Variants in CEP83 observed in about 807,000 individuals in gnomAD.
CEP83 encodes the protein centrosomal protein 83, also known as centrosomal protein of 83 kDa.
CEP83 carries 70 observed loss-of-function variants against 101.9 expected under a neutral mutation model. The ratio of observed to expected loss-of-function variants is 0.69; its 90% CI spans 0.57 to 0.84. CEP83 has a LOEUF of 0.84. Among genes scored for constraint, CEP83 ranks in the 40% least tolerant of loss-of-function variants. CEP83 has a pLI of 0.00. For synonymous variants in CEP83, 264 were observed against 267.9 expected (o/e 0.99, Z 0.14); for missense variants, 715 against 787.2 (o/e 0.91, Z 1.10).
the CEP83 span, among the ~76,000 whole-genome samples, chr12:94,281,448 G>C: frequency 6.6e-6 from 1 of 152,190 alleles, no homozygotes; most frequent in East Asian, 1.9e-4. Context: ...GACTTAATGG[G>C]AAAGGACTCG....
intron 1 of CEP83, among the ~76,000 whole-genome samples, chr12:94,451,174 T>C (rs748839597): frequency 2.0e-5 from 3 of 152,162 alleles, no homozygotes; most frequent in Non-Finnish European, 4.4e-5. Flanking sequence ...GTTAATTCAA[T>C]ATGAATCTTA....
chr12:94,304,775 T>C (rs1159498442), downstream of CEP83, among the ~76,000 whole-genome samples: 1 of 152,140 alleles, frequency 6.6e-6, no homozygotes, highest in East Asian at 1.9e-4. Context: ...GAGGAGGGAC[T>C]ACACTGCCCA....
intron 11 of CEP83, among the ~76,000 whole-genome samples, chr12:94,345,397 T>TA (rs1290501489): frequency 6.6e-6 from 1 of 152,218 alleles, no homozygotes; most frequent in Non-Finnish European, 1.5e-5. Context: ...GTATCTTTGT[T>TA]ACCGTATTAG....
chr12:94,274,155 T>TAAAAAAAAAAAAAAA, the CEP83 span, among the ~76,000 whole-genome samples: 19 of 45,370 alleles, frequency 4.2e-4, no homozygotes, highest in African/African-American at 1.8e-3. Flanking sequence ...ACCCTGTCTC[T>TAAAAAAAAAAAAAAA]AAAAAAAAAA....
intron 1 of CEP83, among the ~76,000 whole-genome samples, chr12:94,457,665 C>CAAGCA (rs2067786376): frequency 6.6e-6 from 1 of 152,164 alleles, no homozygotes; most frequent in Non-Finnish European, 1.5e-5. Context: ...ATAAGGGTAT[C>CAAGCA]TGACATAAAG....
intron 1 of CEP83, among the ~76,000 whole-genome samples, chr12:94,439,342 AT>A (rs2138341720): frequency 6.6e-6 from 1 of 152,066 alleles, no homozygotes; most frequent in East Asian, 2.0e-4. Flanking sequence ...AATAGGAGAT[AT>A]CAAAAGTGAT....
chr12:94,267,309 T>G, the CEP83 span, among the ~76,000 whole-genome samples: 1 of 152,338 alleles, frequency 6.6e-6, no homozygotes, highest in East Asian at 1.9e-4. Context: ...TTGAAGCCTT[T>G]TTAATGCTTT....
chr12:94,434,013 T>C (rs1005396620), intron 2 of CEP83: 8 of 152,278 alleles, frequency 5.3e-5, no homozygotes, highest in East Asian at 3.9e-4. Flanking sequence ...CTTTTTTCCA[T>C]AGGGATTTCA....
chr12:94,405,480 A>G (rs923136190), intron 4 of CEP83, among the ~76,000 whole-genome samples: 4 of 152,220 alleles, frequency 2.6e-5, no homozygotes, highest in East Asian at 1.9e-4. Flanking sequence ...CTCAGAATGA[A>G]TAATTATTAA....
chr12:94,375,551 G>T (rs966082768), intron 8 of CEP83, among the ~76,000 whole-genome samples: 1 of 152,188 alleles, frequency 6.6e-6, no homozygotes, highest in Non-Finnish European at 1.5e-5. Flanking sequence ...ATGGAGCCTA[G>T]AAAAATCATG....
intron 6 of CEP83, among the ~76,000 whole-genome samples, chr12:94,380,520 T>A (rs1272287872): frequency 1.3e-5 from 2 of 152,218 alleles, no homozygotes; most frequent in Non-Finnish European, 2.9e-5. Context: ...GGTCCCGGAT[T>A]ACTTTTTTAT....
At chr12:94,366,502 T>C (rs1436869310) in intron 11 of CEP83, among the ~76,000 whole-genome samples, 2 of 152,118 alleles carry the variant, frequency 1.3e-5, no homozygotes, top group Non-Finnish European at 2.9e-5. Context: ...GTAGGAATAA[T>C]GAATGCCAGT....
the CEP83 span, among the ~76,000 whole-genome samples, chr12:94,281,571 T>C: frequency 4.7e-5 from 7 of 147,870 alleles, no homozygotes; most frequent in African/African-American, 1.8e-4. Flanking sequence ...CAGTTTTTTA[T>C]ATGCAACTTA....
the CEP83 span, chr12:94,298,895 A>G: frequency 7.5e-5 from 86 of 1,153,116 alleles, no homozygotes; most frequent in Non-Finnish European, 1.0e-4. Flanking sequence ...ATTTATCTCT[A>G]TATCAGAATC....
chr12:94,310,368 T>C (rs1416859606), intron 15 of CEP83, among the ~76,000 whole-genome samples: 1 of 151,978 alleles, frequency 6.6e-6, no homozygotes, highest in Non-Finnish European at 1.5e-5. Flanking sequence ...TTTGATACTT[T>C]GGTACTCACT....
chr12:94,458,090 G>A (rs1240469005), intron 1 of CEP83, among the ~76,000 whole-genome samples: 1 of 151,786 alleles, frequency 6.6e-6, no homozygotes, highest in Admixed American at 6.6e-5. Flanking sequence ...CCAGCTACTC[G>A]GGAGGCTGAG....
At chr12:94,293,860 ATCC>A in the CEP83 span, among the ~76,000 whole-genome samples, 5 of 152,164 alleles carry the variant, frequency 3.3e-5, no homozygotes, top group East Asian at 9.7e-4. Flanking sequence ...GGACTCAAGG[ATCC>A]TCCTCTTCTT....
Position 94,335,610 on chromosome 12 carries a change from AT to A in CEP83, c.1397del (p.Asn466MetfsTer6). The A allele has an allele frequency of 2.5e-6, 4 of 1,582,700 alleles. No homozygotes were observed. Among genetic ancestry groups the A allele is most frequent in the Admixed American group, 1.8e-5 (1 of 55,842 alleles). On this transcript the variant is annotated frameshift_variant, in exon 12 of 17. Transcript: ENST00000397809. LOFTEE classifies it high-confidence loss of function. Reference sequence around the variant, plus strand: ...ATACCTGTTTTAGGTCAGAATTTTCATTTTTTTCCTTCTCTGCATTTTCAAT... The same window carrying A: ...ATACCTGTTTTAGGTCAGAATTTTCATTTTTTCCTTCTCTGCATTTTCAAT... ...VTIENAEKEKNENSDLKQQIS... is the reference protein window; with the variant it reads ...VTIENAEKEKXENSDLKQQIS...
At chr12:94,453,319 C>G (rs931686651) in intron 1 of CEP83, among the ~76,000 whole-genome samples, 4 of 152,154 alleles carry the variant, frequency 2.6e-5, no homozygotes, top group African/African-American at 9.7e-5. Flanking sequence ...TCCTAGTTTT[C>G]TTTGACTAAC....
Sources: allele counts gnomAD v4.1 joint callset (sites outside exome capture counted in the v4.1 genomes callset), GRCh38; gene constraint gnomAD v4.1.1; transcripts MANE v1.5; gene names NCBI Gene and HGNC (gene_info 2026-07-23, HGNC 2026-07-21).